The following ANKRD17 variants were observed in gnomAD, a reference collection of about 807,000 sequenced individuals.
ANKRD17 encodes the protein ankyrin repeat domain 17.
A neutral mutation model predicts 229.7 loss-of-function variants in ANKRD17; 19 were observed. The ratio of observed to expected loss-of-function variants is 0.08; its 90% CI spans 0.06 to 0.12. The LOEUF (loss-of-function observed/expected upper bound fraction) is 0.12, where lower values mean the gene tolerates loss of function less well. ANKRD17 is among the 10% of genes least tolerant of loss of function. ANKRD17 has a pLI of 1.00. For missense variants in ANKRD17, 2,176 were observed against 3,176.8 expected (o/e 0.68, Z 7.57); for synonymous variants, 1,112 against 1,146.1 (o/e 0.97, Z 0.60).
chr4:73,093,298 A>G (rs1722958015), intron 28 of ANKRD17, among the ~76,000 whole-genome samples: 1 of 151,668 alleles, frequency 6.6e-6, no homozygotes, highest in African/African-American at 2.4e-5. Context: ...TTTTAAGAAT[A>G]TTCAGGCATA....
chr4:73,121,611 A>G lies in ANKRD17; in HGVS notation c.3635+6T>C. 2 of 1,613,600 alleles carry G rather than the reference A, an allele frequency of 1.2e-6. No homozygotes were observed. The highest frequency in any genetic ancestry group is 1.7e-6 in the Non-Finnish European group (2 of 1,179,612). ...AAGGGGCTTACAGAAAGGGAATACA[A>G]CTTGCCTAGAGTTAATCTCAGCTCC... is the stretch of plus-strand genomic sequence containing the variant. On this transcript the variant is annotated splice_donor_region_variant and intron_variant, in intron 19 of 33. Coordinates refer to ENST00000358602, the MANE Select transcript of ANKRD17 (RefSeq NM_032217.5).
intron 24 of ANKRD17, among the ~76,000 whole-genome samples, chr4:73,105,925 T>C (rs1478978769): frequency 2.0e-5 from 3 of 152,120 alleles, no homozygotes; most frequent in African/African-American, 2.4e-5. Context: ...TAATAACTGA[T>C]AGAAAATCCC....
At chr4:73,234,348 A>C (rs530289884) in intron 1 of ANKRD17, among the ~76,000 whole-genome samples, 21 of 152,210 alleles carry the variant, frequency 1.4e-4, no homozygotes, top group Non-Finnish European at 2.6e-4. Flanking sequence ...ATTTTAAATA[A>C]AATACTAATT....
In ANKRD17 at chr4:73,077,367, A is replaced by G. The variant is rs1457765233; in HGVS notation, c.7575T>C (p.Phe2525=). Residue 2525 remains phenylalanine, a synonymous_variant, in exon 32 of 34, where the codon TTT becomes TTC. Transcript: ENST00000358602. ...ATCAGGACTTTACCCCAACTTTAGG[A>G]AAGTCCATGTAGCCTGCAGGAACAT... ...HQHVPAGYMD[F]PKVGGMPFSV... 2.0e-5 allele frequency: 32 copies of G among 1,602,926 alleles called. No individual in the cohort carries two copies. Among genetic ancestry groups the G allele is most frequent in the Non-Finnish European group, 2.5e-5 (29 of 1,176,134 alleles).
Position 73,090,748 on chromosome 4 carries a change from A to C in ANKRD17, c.6880T>G (p.Ser2294Ala). ...GTATCAGACTGATGTAAAGGATCTG[A>C]ATTTGGCAAATATGAGGATTTTCCT... ...LSGKSSYLPN[S>A]DPLHQSDTSK... The change falls in exon 29 of 34, where the codon TCA becomes GCA. Residue 2294 changes from serine to alanine, a missense_variant. Around this residue, in one of 18 missense-constraint regions of ANKRD17, gnomAD observed 424 missense variants for 454.0 expected, o/e 0.93. Transcript: ENST00000358602. 2 of 1,614,204 alleles carry C rather than the reference A, an allele frequency of 1.2e-6. No homozygotes were observed. The highest frequency in any genetic ancestry group is 1.1e-5 in the South Asian group (1 of 91,084).
intron 1 of ANKRD17, chr4:73,223,090 CCT>C (rs1203406834): frequency 7.3e-6 from 11 of 1,511,792 alleles, no homozygotes; most frequent in South Asian, 1.2e-5. Context: ...CAGGAACACT[CCT>C]CTGTGTCAGC....
chr4:73,129,744 A>C (rs1302242418), intron 16 of ANKRD17, among the ~76,000 whole-genome samples: 1 of 151,464 alleles, frequency 6.6e-6, no homozygotes, highest in Non-Finnish European at 1.5e-5. Context: ...ACAACAAAAA[A>C]GTACATCTAT....
At chr4:73,158,585 C>T (rs1023571651) in intron 3 of ANKRD17, among the ~76,000 whole-genome samples, 4 of 152,170 alleles carry the variant, frequency 2.6e-5, no homozygotes, top group African/African-American at 9.7e-5. Flanking sequence ...ATGACCTCTG[C>T]TATGGTTTGC....
At chr4:73,171,057 C>T (rs761270052) in intron 2 of ANKRD17, among the ~76,000 whole-genome samples, 7 of 152,006 alleles carry the variant, frequency 4.6e-5, no homozygotes, top group African/African-American at 7.3e-5. Flanking sequence ...GCAGTCACAA[C>T]GGGCATTGAG....
intron 23 of ANKRD17, 32 bp downstream of exon 23, chr4:73,115,789 G>A: frequency 6.6e-7 from 1 of 1,510,660 alleles, no homozygotes; most frequent in Non-Finnish European, 9.1e-7. Flanking sequence ...ACCGAATAGA[G>A]TCCCTTGCTC....
intron 3 of ANKRD17, among the ~76,000 whole-genome samples, chr4:73,160,344 G>A (rs1260277050): frequency 2.0e-5 from 3 of 150,772 alleles, no homozygotes; most frequent in Admixed American, 6.6e-5. Flanking sequence ...TCAGCCTCCC[G>A]AGTAGCGGGG....
At chr4:73,256,682 TC>T (rs946054479) in intron 1 of ANKRD17, among the ~76,000 whole-genome samples, 1 of 152,222 alleles carries the variant, frequency 6.6e-6, no homozygotes, top group African/African-American at 2.4e-5. Flanking sequence ...ATTGAATGAT[TC>T]TAAGTACCAT....
chr4:73,134,137 T>C lies in ANKRD17; in HGVS notation c.3234+980A>G, dbSNP rs561495890. Among the ~76,000 whole-genome samples, 218 of 152,302 alleles carry C rather than the reference T, an allele frequency of 1.4e-3. 2 individuals are homozygous for C. The highest frequency in any genetic ancestry group is 4.9e-3 in the African/African-American group (204 of 41,550). On this transcript the variant is annotated intron_variant, in intron 16 of 33. Transcript: ENST00000358602. The stretch of plus-strand genomic sequence containing the variant: ...GAGCAGAAATAAAATTCCTTTTTCA[T>C]AGTGTTACTGAGGATCATTTTAATA...
At chr4:73,202,860 T>C (rs527476527) in intron 1 of ANKRD17, among the ~76,000 whole-genome samples, 1 of 152,284 alleles carries the variant, frequency 6.6e-6, no homozygotes, top group South Asian at 2.1e-4. Flanking sequence ...GAAACAGATG[T>C]AGAATTAGCA....
intron 1 of ANKRD17, among the ~76,000 whole-genome samples, chr4:73,221,969 C>G (rs941919933): frequency 6.6e-6 from 1 of 152,110 alleles, no homozygotes; most frequent in African/African-American, 2.4e-5. Flanking sequence ...CTCCTGCTAA[C>G]CCCGCCTAGC....
intron 1 of ANKRD17, among the ~76,000 whole-genome samples, chr4:73,226,255 G>A (rs1237984158): frequency 2.6e-5 from 4 of 152,126 alleles, no homozygotes; most frequent in East Asian, 1.9e-4. Context: ...GATAACAGGC[G>A]TGAGCCACCG....
chr4:73,151,224 G>C (rs1337124664), intron 7 of ANKRD17, among the ~76,000 whole-genome samples: 1 of 151,988 alleles, frequency 6.6e-6, no homozygotes, highest in African/African-American at 2.4e-5. Flanking sequence ...GAGTGACTTT[G>C]GTATAGTTAT....
chr4:73,094,699 G>A lies in ANKRD17; in HGVS notation c.5178-471C>T, dbSNP rs189038691. Among the ~76,000 whole-genome samples, 362 of 146,750 alleles carry A rather than the reference G, an allele frequency of 2.5e-3. 3 individuals carry two copies. The highest frequency in any genetic ancestry group is 8.3e-3 in the African/African-American group (333 of 39,978). On this transcript the variant is annotated intron_variant, in intron 27 of 33. Coordinates refer to ENST00000358602, the MANE Select transcript of ANKRD17 (RefSeq NM_032217.5). ...TATATAGACATATATATGTATATAC[G>A]TATAATATATACATGTATATATGTG...
At chr4:73,119,808 A>C (rs980569063) in intron 21 of ANKRD17, among the ~76,000 whole-genome samples, 1 of 152,256 alleles carries the variant, frequency 6.6e-6, no homozygotes, top group Non-Finnish European at 1.5e-5. Flanking sequence ...TGTGAAGAAC[A>C]AGAAAATGGA....
Sources: gnomAD v4.1 joint callset for allele counts (sites outside exome capture counted in the v4.1 genomes callset) on GRCh38, gnomAD v4.1.1 for gene constraint, gnomAD v4.1.1 regional missense constraint, MANE v1.5 for transcripts, NCBI Gene and HGNC (gene_info 2026-07-23, HGNC 2026-07-21) for gene names.